SEMA6D: variants seen among roughly 807,000 people sequenced by gnomAD.
SEMA6D encodes the protein semaphorin-6D.
In SEMA6D, 35 loss-of-function variants were observed where a neutral mutation model predicts 106.6. That is an observed-to-expected ratio of 0.33 (90% CI 0.25 to 0.44). The LOEUF (loss-of-function observed/expected upper bound fraction) is 0.44, where lower values mean the gene tolerates loss of function less well. SEMA6D is among the 20% of genes least tolerant of loss of function. The pLI, the probability that SEMA6D is intolerant of heterozygous loss-of-function variation, is 1.00. For synonymous variants in SEMA6D, 499 were observed against 487.7 expected, an observed-to-expected ratio of 1.02 and a Z score of -0.31; for missense variants, 1,185 against 1,345.9, an observed-to-expected ratio of 0.88 and a Z score of 1.87.
At chr15:47,561,141 G>C (rs2046068293) in intron 3 of SEMA6D, among the ~76,000 whole-genome samples, 1 of 151,522 alleles carries the variant, frequency 6.6e-6, no homozygotes, top group Admixed American at 6.6e-5. Context: ...ACAGATCCAA[G>C]ATCAATGAAT....
chr15:47,548,955 C>A (rs916645867), intron 3 of SEMA6D, among the ~76,000 whole-genome samples: 1 of 151,966 alleles, frequency 6.6e-6, no homozygotes, highest in African/African-American at 2.4e-5. Context: ...TTAATAGCAA[C>A]AAGTGTAGAT....
In SEMA6D at chr15:47,663,314, G is replaced by A. The variant is rs148406665; in HGVS notation, c.-55+62418G>A. On this transcript the variant is annotated intron_variant, in intron 4 of 19. Transcript: ENST00000558014. ...AGTAATGGAAAATTACTTTGTTCCA[G>A]CTAGTAAGATGCTTGAAATGTGTAA... 2.7e-3 allele frequency among the ~76,000 whole-genome samples: 412 copies of A among 152,296 alleles called. 2 individuals carry two copies. Among genetic ancestry groups the A allele is most frequent in the African/African-American group, 9.4e-3 (392 of 41,566 alleles).
intron 1 of SEMA6D, among the ~76,000 whole-genome samples, chr15:47,266,917 C>G (rs1033336128): frequency 3.0e-4 from 45 of 152,216 alleles, no homozygotes; most frequent in African/African-American, 1.1e-3. Flanking sequence ...TTTCTCTATG[C>G]ACTTAGGACT....
chr15:47,644,249 T>A (rs544339565), intron 4 of SEMA6D, among the ~76,000 whole-genome samples: 1 of 152,220 alleles, frequency 6.6e-6, no homozygotes, highest in Admixed American at 6.5e-5. Context: ...GGACTTGCAA[T>A]GCACAGTTGA....
chr15:47,641,776 C>T (rs2077492760), intron 4 of SEMA6D, among the ~76,000 whole-genome samples: 1 of 152,090 alleles, frequency 6.6e-6, no homozygotes, highest in South Asian at 2.1e-4. Flanking sequence ...TTGAATCCAC[C>T]ACTCCCTCTG....
chr15:47,614,984 G>A (rs780012142), intron 4 of SEMA6D, among the ~76,000 whole-genome samples: 1 of 152,114 alleles, frequency 6.6e-6, no homozygotes, highest in Non-Finnish European at 1.5e-5. Flanking sequence ...ACATTCAACA[G>A]ATACATTTCT....
chr15:47,635,674 C>G (rs747218257), intron 4 of SEMA6D, among the ~76,000 whole-genome samples: 3 of 152,046 alleles, frequency 2.0e-5, no homozygotes, highest in Non-Finnish European at 4.4e-5. Flanking sequence ...TAGTAAGTAT[C>G]AGAATTGAAT....
At chr15:47,281,729 A>G (rs541118868) in intron 1 of SEMA6D, among the ~76,000 whole-genome samples, 3 of 152,098 alleles carry the variant, frequency 2.0e-5, no homozygotes, top group Admixed American at 6.6e-5. Context: ...CATAAATTTT[A>G]TTTTCGATGG....
chr15:47,574,938 G>C (rs1197589341), intron 3 of SEMA6D, among the ~76,000 whole-genome samples: 1 of 152,156 alleles, frequency 6.6e-6, no homozygotes, highest in Admixed American at 6.5e-5. Context: ...ATCAATTTTA[G>C]TTTGGGCCAA....
chr15:47,746,746 A>T (rs184235204), intron 1 of SEMA6D, among the ~76,000 whole-genome samples: 1 of 152,292 alleles, frequency 6.6e-6, no homozygotes, highest in Non-Finnish European at 1.5e-5. Context: ...GTCCTTTGGC[A>T]TCTGGGTCAT....
intron 1 of SEMA6D, among the ~76,000 whole-genome samples, chr15:47,331,567 C>CAAAAT (rs200503192): frequency 0.011 from 1,686 of 152,048 alleles, 13 homozygotes; most frequent in Non-Finnish European, 0.014. Context: ...TTTTTTCAAA[C>CAAAAT]AAAGCATAGA....
chr15:47,608,137 C>T (rs2076820032), intron 4 of SEMA6D, among the ~76,000 whole-genome samples: 1 of 152,020 alleles, frequency 6.6e-6, no homozygotes. Flanking sequence ...ATTTGTGTGC[C>T]GAGTGGGAGT....
chr15:47,524,436 T>A (rs1029456669), intron 3 of SEMA6D, among the ~76,000 whole-genome samples: 2 of 152,140 alleles, frequency 1.3e-5, no homozygotes, highest in Non-Finnish European at 2.9e-5. Flanking sequence ...TGCTAATAAT[T>A]TGAGCCTTAT....
At chr15:47,576,157 A>G (rs1485587058) in intron 3 of SEMA6D, among the ~76,000 whole-genome samples, 2 of 152,238 alleles carry the variant, frequency 1.3e-5, no homozygotes, top group African/African-American at 4.8e-5. Flanking sequence ...TTTAACTGAA[A>G]GCTACCTTGT....
intron 3 of SEMA6D, among the ~76,000 whole-genome samples, chr15:47,515,159 C>T (rs1409852742): frequency 6.6e-6 from 1 of 152,186 alleles, no homozygotes; most frequent in Non-Finnish European, 1.5e-5. Flanking sequence ...ATCCTCCAAC[C>T]ATCAATATCA....
At chr15:47,382,234 T>C (rs578132414) in intron 1 of SEMA6D, among the ~76,000 whole-genome samples, 3 of 152,104 alleles carry the variant, frequency 2.0e-5, no homozygotes, top group South Asian at 4.2e-4. Flanking sequence ...CACTACTGGG[T>C]GCGGTGGCTC....
chr15:47,582,781 C>G (rs953663073), intron 3 of SEMA6D, among the ~76,000 whole-genome samples: 1 of 152,184 alleles, frequency 6.6e-6, no homozygotes, highest in African/African-American at 2.4e-5. Flanking sequence ...CTGCCAGCCT[C>G]TCAAGGGCAG....
intron 2 of SEMA6D, among the ~76,000 whole-genome samples, chr15:47,442,547 G>A (rs1345791541): frequency 6.6e-6 from 1 of 152,024 alleles, no homozygotes; most frequent in Non-Finnish European, 1.5e-5. Flanking sequence ...AATGACTGAG[G>A]GTAATGTCTG....
intron 1 of SEMA6D, among the ~76,000 whole-genome samples, chr15:47,729,046 C>T (rs1470584716): frequency 2.0e-5 from 3 of 152,146 alleles, no homozygotes; most frequent in African/African-American, 7.2e-5. Context: ...ATTATTCTTC[C>T]TCCCACAGTG....
Sources: allele counts gnomAD v4.1 joint callset (sites outside exome capture counted in the v4.1 genomes callset), GRCh38; gene constraint gnomAD v4.1.1; transcripts MANE v1.5; gene names NCBI Gene and HGNC (gene_info 2026-07-23, HGNC 2026-07-21).